The following TBPL2 variants were observed in gnomAD, a reference collection of about 807,000 sequenced individuals.
TBPL2 encodes the protein TATA box-binding protein-like 2.
A neutral mutation model predicts 38.2 loss-of-function variants in TBPL2; 40 were observed. The ratio of observed to expected loss-of-function variants is 1.05; its 90% confidence interval spans 0.81 to 1.36. The LOEUF is 1.36. Among genes scored for constraint, TBPL2 ranks in the 40% most tolerant of loss-of-function variants. The probability of loss-of-function intolerance (pLI) is 0.00; values close to 1 mark genes in which losing one functional copy is unlikely to be tolerated. For synonymous variants in TBPL2, 169 were observed against 171.7 expected, an observed-to-expected ratio of 0.98 and a Z score of 0.12; for missense variants, 461 against 456.7, an observed-to-expected ratio of 1.01 and a Z score of -0.09.
chr14:55,434,173 C>T (rs755270191), intron 3 of TBPL2, among the ~76,000 whole-genome samples: 2 of 152,108 alleles, frequency 1.3e-5, no homozygotes, highest in Non-Finnish European at 2.9e-5. Flanking sequence ...AAAGGCTCAC[C>T]AAGACTTCAG....
chr14:55,416,528 G>T (rs1885672250), intron 6 of TBPL2, among the ~76,000 whole-genome samples: 1 of 152,232 alleles, frequency 6.6e-6, no homozygotes, highest in Admixed American at 6.5e-5. Context: ...CACCTTCAAA[G>T]ATTTGCGGTG....
chr14:55,424,367 T>C, intron 5 of TBPL2, 114 bp from the exon 6 acceptor site: 1 of 628,832 alleles, frequency 1.6e-6, no homozygotes, highest in African/African-American at 1.8e-5. Context: ...ATAAGTTAGC[T>C]ATTTTATCAA....
At chr14:55,436,858 T>C (rs769243211) in exon 2 of TBPL2, 3 of 1,614,238 alleles carry the variant, frequency 1.9e-6, no homozygotes, top group Non-Finnish European at 2.5e-6. Context: ...GGTAACTTCA[T>C]CTGGTAGGAA....
At chr14:55,436,219 C>G (rs973506572) in intron 2 of TBPL2, among the ~76,000 whole-genome samples, 3 of 152,124 alleles carry the variant, frequency 2.0e-5, no homozygotes, top group Non-Finnish European at 4.4e-5. Flanking sequence ...AATCAATTTG[C>G]AAATCAAACT....
chr14:55,422,942 G>A (rs1399660319), intron 6 of TBPL2, among the ~76,000 whole-genome samples: 1 of 151,946 alleles, frequency 6.6e-6, no homozygotes, highest in Non-Finnish European at 1.5e-5. Context: ...CCCTCAAGTA[G>A]TTTTAAAAAG....
chr14:55,417,098 G>A (rs1277694697), intron 6 of TBPL2, among the ~76,000 whole-genome samples: 1 of 152,150 alleles, frequency 6.6e-6, no homozygotes, highest in African/African-American at 2.4e-5. Flanking sequence ...TTATATCATA[G>A]AGAAACGATT....
intron 3 of TBPL2, among the ~76,000 whole-genome samples, chr14:55,434,291 G>T (rs1256705784): frequency 1.3e-5 from 2 of 152,172 alleles, no homozygotes; most frequent in Non-Finnish European, 2.9e-5. Context: ...AGTTCTCAAA[G>T]TGTCATTCAA....
At chr14:55,436,948 G>A in exon 2 of TBPL2, 1 of 1,614,234 alleles carries the variant, frequency 6.2e-7, no homozygotes, top group Non-Finnish European at 8.5e-7. Context: ...CGGATTGGAT[G>A]CATTCAGTAT....
chr14:55,439,696 C>T (rs890236210), intron 1 of TBPL2, among the ~76,000 whole-genome samples: 2 of 150,184 alleles, frequency 1.3e-5, no homozygotes, highest in African/African-American at 4.9e-5. Flanking sequence ...TTTGGGAGGC[C>T]AAGGCGGGTG....
intron 5 of TBPL2, among the ~76,000 whole-genome samples, chr14:55,425,683 A>G (rs1885810649): frequency 6.6e-6 from 1 of 152,178 alleles, no homozygotes; most frequent in Admixed American, 6.5e-5. Context: ...TTCAAGTCTC[A>G]TTTTAAATGT....
intron 6 of TBPL2, 135 bp from the exon 7 acceptor site, chr14:55,414,590 T>C (rs1250941619): frequency 1.6e-6 from 1 of 633,376 alleles, no homozygotes; most frequent in African/African-American, 1.9e-5. Context: ...AAATGGCATT[T>C]ATTCCGGGTA....
At chr14:55,423,888 G>A (rs1364235838) in intron 6 of TBPL2, among the ~76,000 whole-genome samples, 1 of 152,096 alleles carries the variant, frequency 6.6e-6, no homozygotes, top group Non-Finnish European at 1.5e-5. Context: ...GTAACAGTAA[G>A]TTTAAGCCAT....
At position 55,428,794 on chromosome 14, in the gene TBPL2, A is replaced by G. The variant is rs182093830; in HGVS notation, c.956+13T>C. On this transcript the variant is annotated intron_variant, in intron 5 of 6. Coordinates refer to ENST00000247219, the Ensembl canonical transcript of TBPL2. ...TTGGTAAATTCAAAGTTCAAGCTAT[A>G]TAACCGTCATACCTACTGAACTGCT... The G allele has an allele frequency of 1.2e-6, 2 of 1,611,592 alleles. No homozygotes were observed. Among genetic ancestry groups the G allele is most frequent in the East Asian group, 4.5e-5 (2 of 44,852 alleles).
chr14:55,426,562 G>A (rs1277849365), intron 5 of TBPL2, among the ~76,000 whole-genome samples: 1 of 152,096 alleles, frequency 6.6e-6, no homozygotes, highest in Non-Finnish European at 1.5e-5. Flanking sequence ...TCTAAGAGGT[G>A]TTTTTAATGT....
intron 1 of TBPL2, 46 bp downstream of exon 1, chr14:55,440,350 G>A (rs759799651): frequency 1.9e-6 from 3 of 1,610,278 alleles, no homozygotes; most frequent in African/African-American, 1.3e-5. Context: ...GCACAGGACC[G>A]GGCGGGACTT....
At chr14:55,428,660 G>A (rs1885871360) in intron 5 of TBPL2, 147 bp downstream of exon 5, 1 of 819,734 alleles carries the variant, frequency 1.2e-6, no homozygotes, top group Non-Finnish European at 1.8e-6. Flanking sequence ...GAGAACTCAG[G>A]CATAGCATCT....
intron 5 of TBPL2, among the ~76,000 whole-genome samples, chr14:55,428,337 G>T (rs1203316930): frequency 6.6e-6 from 1 of 151,856 alleles, no homozygotes; most frequent in African/African-American, 2.4e-5. Flanking sequence ...CACCGTGTTA[G>T]CCAGGATGGT....
At chr14:55,439,930 C>CAAAAAAAAAAAAAAAAAAAAAAA (rs71131272) in intron 1 of TBPL2, among the ~76,000 whole-genome samples, 1 of 39,180 alleles carries the variant, frequency 2.6e-5, no homozygotes. Context: ...GACTCTGTCT[C>CAAAAAAAAAAAAAAAAAAAAAAA]AAAAAAAAAA....
At chr14:55,429,747 CA>C (rs1885893044) in intron 4 of TBPL2, among the ~76,000 whole-genome samples, 1 of 63,160 alleles carries the variant, frequency 1.6e-5, no homozygotes, top group African/African-American at 6.2e-5. Flanking sequence ...GCCTAGGCAA[CA>C]AGAGTGAAAC....
Sources: gnomAD v4.1 joint callset for allele counts (sites outside exome capture counted in the v4.1 genomes callset) on GRCh38, gnomAD v4.1.1 for gene constraint, MANE v1.5 for transcripts, NCBI Gene and HGNC (gene_info 2026-07-23, HGNC 2026-07-21) for gene names.